UBE3B: variants seen among roughly 807,000 people sequenced by gnomAD.
UBE3B encodes the protein ubiquitin-protein ligase E3B.
In UBE3B, 80 loss-of-function variants were observed where a neutral mutation model predicts 132.3. The ratio of observed to expected loss-of-function variants is 0.60; its 90% CI spans 0.50 to 0.73. UBE3B has a LOEUF of 0.73. Among genes scored for constraint, UBE3B ranks in the 30% least tolerant of loss-of-function variants. The pLI is 0.00. For missense variants in UBE3B, 1,196 were observed against 1,362.5 expected (o/e 0.88, Z 1.92); for synonymous variants, 487 against 520.4 (o/e 0.94, Z 0.87).
At position 109,535,373 on chromosome 12, in the gene UBE3B, G is replaced by GT. The variant is rs1883338690; in HGVS notation, c.*592dup. 6.6e-6 allele frequency: 1 copy of GT among 152,348 alleles called. No individual in the cohort carries two copies. The highest frequency in any genetic ancestry group is 1.5e-5 in the Non-Finnish European group (1 of 68,044). The allele number at this position is 152,348 out of a possible 1,614,324, so 9.4% of individuals were successfully genotyped here. A position where few individuals can be genotyped will look rare whatever the true frequency, so the allele number is the denominator to read the frequency against. On this transcript the variant is annotated 3_prime_UTR_variant, in exon 28 of 28. Coordinates refer to ENST00000342494, the MANE Select transcript of UBE3B (RefSeq NM_130466.4). Reference sequence around the variant, plus strand: ...GCCTGCTAGGGACGCTATGGACACCGTGAGTCCAAGGCGCTGCTCCTGCCT... The same window carrying GT: ...GCCTGCTAGGGACGCTATGGACACCGTTGAGTCCAAGGCGCTGCTCCTGCCT...
intron 6 of UBE3B, 65 bp downstream of exon 6, chr12:109,486,640 G>A: frequency 4.0e-6 from 5 of 1,253,312 alleles, no homozygotes; most frequent in Non-Finnish European, 5.5e-6. Context: ...ATTTTCACCT[G>A]TAGACTTTAG....
chr12:109,533,778 T>C (rs1249384236), intron 27 of UBE3B: 11 of 860,146 alleles, frequency 1.3e-5, no homozygotes, highest in Non-Finnish European at 2.1e-5. Context: ...GCAGCCCCTT[T>C]CTCTTTCCTT....
At chr12:109,500,943 G>A (rs1878906060) in intron 12 of UBE3B, among the ~76,000 whole-genome samples, 1 of 152,182 alleles carries the variant, frequency 6.6e-6, no homozygotes, top group Non-Finnish European at 1.5e-5. Context: ...GAAGTTGAGG[G>A]ATGCTGAGTG....
At chr12:109,505,480 A>G (rs2135954747) in intron 14 of UBE3B, among the ~76,000 whole-genome samples, 1 of 152,284 alleles carries the variant, frequency 6.6e-6, no homozygotes, top group Admixed American at 6.5e-5. Flanking sequence ...ATCCCATAGG[A>G]GTATATTTGT....
chr12:109,526,314 C>G, intron 23 of UBE3B, 44 bp from the exon 24 acceptor site: 3 of 1,599,670 alleles, frequency 1.9e-6, no homozygotes, highest in Non-Finnish European at 2.6e-6. Context: ...CTTTATTTCC[C>G]CATTAGAGTC....
At chr12:109,506,030 G>C (rs961001687) in intron 14 of UBE3B, among the ~76,000 whole-genome samples, 1 of 152,182 alleles carries the variant, frequency 6.6e-6, no homozygotes, top group African/African-American at 2.4e-5. Flanking sequence ...AACTATACCC[G>C]TGATGTGGCC....
chr12:109,501,516 A>G lies in UBE3B; in HGVS notation c.1264A>G (p.Asn422Asp). 6.2e-7 allele frequency: 1 copy of G among 1,613,880 alleles called. No individual in the cohort carries two copies. The highest frequency in any genetic ancestry group is 8.5e-7 in the Non-Finnish European group (1 of 1,179,916). ...CCACGCACAGCCAGCATCCCCTCAGAATGTGCTCCCAGTGAAGAGTGAGTG... is the reference window on the plus strand; with the variant it reads ...CCACGCACAGCCAGCATCCCCTCAGGATGTGCTCCCAGTGAAGAGTGAGTG... Reference protein sequence around the residue: ...PAHAQPASPQNVLPVKSLLKR... With the variant: ...PAHAQPASPQDVLPVKSLLKR... The change falls in exon 13 of 28, where the codon AAT becomes GAT. Residue 422 changes from asparagine to aspartate, a missense_variant. Transcript: ENST00000342494.
In UBE3B at chr12:109,523,993, G is replaced by A. The variant is rs150941198; in HGVS notation, c.2380G>A (p.Val794Met). 23 of 1,613,910 alleles carry A rather than the reference G, an allele frequency of 1.4e-5. No individual in the cohort carries two copies. The highest frequency in any genetic ancestry group is 1.7e-5 in the Non-Finnish European group (20 of 1,180,030). The change falls in exon 22 of 28, where the codon GTG becomes ATG. Residue 794 changes from valine to methionine, a missense_variant. Transcript: ENST00000342494. ...KAVYEGIVVDVPFASFFLSQL... is the reference protein window; with the variant it reads ...KAVYEGIVVDMPFASFFLSQL... ...GCTCTCCCAGGGAATTGTGGTGGAC[G>A]TGCCATTTGCATCCTTCTTCCTGAG...
intron 23 of UBE3B, 91 bp downstream of exon 23, chr12:109,524,594 C>A: frequency 7.1e-7 from 1 of 1,411,460 alleles, no homozygotes; most frequent in Non-Finnish European, 9.9e-7. Context: ...GAAAGAGCCC[C>A]AAGCTGAGGC....
chr12:109,504,806 C>CT (rs34032359), intron 14 of UBE3B, among the ~76,000 whole-genome samples: 284 of 142,016 alleles, frequency 2.0e-3, no homozygotes, highest in Middle Eastern at 0.014. Context: ...TTGTGTCCAG[C>CT]TTTTTTTTTT....
chr12:109,524,413 A>C, intron 22 of UBE3B, 25 bp from the exon 23 acceptor site: 1 of 1,609,416 alleles, frequency 6.2e-7, no homozygotes, highest in Non-Finnish European at 8.5e-7. Context: ...TGGCCCTAAC[A>C]CTTTCCCCTT....
rs866828876 is a variant in UBE3B, at chr12:109,503,142, C to T, written c.1402C>T (p.Gln468Ter). 1 of 1,614,212 alleles carries T rather than the reference C, an allele frequency of 6.2e-7. No homozygotes were observed. Among genetic ancestry groups the T allele is most frequent in the East Asian group, 2.2e-5 (1 of 44,878 alleles). Residue 468 changes from glutamine (Q) to a stop codon, truncating the protein, a stop_gained, in exon 14 of 28, where the codon CAG becomes TAG. Transcript: ENST00000342494. LOFTEE classifies it high-confidence loss of function. ...QKVCNICVLYQTSLTTLTQIR... is the reference protein window; with the variant it reads ...QKVCNICVLY Reference sequence around the variant, plus strand: ...GGTTTGCAACATCTGTGTCCTCTACCAGACCTCGCTGACAACTCTCACACA... The same window carrying T: ...GGTTTGCAACATCTGTGTCCTCTACTAGACCTCGCTGACAACTCTCACACA...
At chr12:109,482,831 G>A (rs563478698) in intron 2 of UBE3B, among the ~76,000 whole-genome samples, 238 of 152,236 alleles carry the variant, frequency 1.6e-3, no homozygotes, top group Non-Finnish European at 2.8e-3. Flanking sequence ...CAGTTCTACA[G>A]TAAAGTCTTC....
chr12:109,497,667 C>A, intron 9 of UBE3B, 151 bp from the exon 10 acceptor site: 2 of 741,348 alleles, frequency 2.7e-6, no homozygotes, highest in Non-Finnish European at 4.5e-6. Context: ...TTGTCCATTT[C>A]CCCAGTGTAT....
intron 13 of UBE3B, 55 bp from the exon 14 acceptor site, chr12:109,502,968 G>C (rs903123134): frequency 6.2e-7 from 1 of 1,607,562 alleles, no homozygotes; most frequent in Non-Finnish European, 8.5e-7. Flanking sequence ...TTTCCAGGGT[G>C]GGATTTGGCA....
rs1240966040 is a variant in UBE3B at position 109,488,764 on chromosome 12, C to G, written c.544+96C>G. 5 of 1,182,372 alleles carry G rather than the reference C, an allele frequency of 4.2e-6. No individual in the cohort carries two copies. The African/African-American group carries it at 7.5e-5, about 18-fold the overall frequency. 73.2% of individuals were successfully genotyped at this position (1,182,372 alleles called of 1,614,324 possible). ...TTGTAAGAAGCATTTTTGCCACAAG[C>G]CTCAGGGAAGGCCCTGAGACCATAC... On this transcript the variant is annotated intron_variant, in intron 7 of 27. Coordinates refer to ENST00000342494, the MANE Select transcript of UBE3B (RefSeq NM_130466.4).
chr12:109,518,233 G>A (rs927238083), intron 19 of UBE3B, among the ~76,000 whole-genome samples: 4 of 152,152 alleles, frequency 2.6e-5, no homozygotes, highest in African/African-American at 9.7e-5. Flanking sequence ...AATGGCAACT[G>A]ACACCCAGCC....
intron 21 of UBE3B, 101 bp from the exon 22 acceptor site, chr12:109,523,877 C>T (rs1162747411): frequency 2.0e-5 from 30 of 1,520,792 alleles, no homozygotes; most frequent in Non-Finnish European, 2.5e-5. Flanking sequence ...CTGGAAATGC[C>T]GATGGCACCC....
intron 26 of UBE3B, among the ~76,000 whole-genome samples, chr12:109,531,120 C>G (rs1375871783): frequency 6.6e-6 from 1 of 152,128 alleles, no homozygotes; most frequent in East Asian, 1.9e-4. Context: ...CTCTCTATAC[C>G]CATTTTCTCA....
Sources: allele counts gnomAD v4.1 joint callset (sites outside exome capture counted in the v4.1 genomes callset), GRCh38; gene constraint gnomAD v4.1.1; transcripts MANE v1.5; gene names NCBI Gene and HGNC (gene_info 2026-07-23, HGNC 2026-07-21).